RNF144B: variants seen among roughly 807,000 people sequenced by gnomAD.
The protein encoded by RNF144B is E3 ubiquitin-protein ligase RNF144B.
RNF144B carries 25 observed loss-of-function variants against 40.2 expected under a neutral mutation model. That is an observed-to-expected ratio of 0.62 (90% CI 0.45 to 0.87). RNF144B has a LOEUF of 0.87. RNF144B is among the 40% of genes least tolerant of loss of function. RNF144B has a pLI of 0.00. For missense variants in RNF144B, 365 were observed against 373.7 expected, an observed-to-expected ratio of 0.98 and a Z score of 0.19; for synonymous variants, 145 against 136.3, an observed-to-expected ratio of 1.06 and a Z score of -0.44.
chr6:18,415,903 C>T (rs1342527830), intron 2 of RNF144B, among the ~76,000 whole-genome samples: 1 of 151,374 alleles, frequency 6.6e-6, no homozygotes, highest in East Asian at 2.0e-4. Context: ...GAAGCGCTAA[C>T]AGTTCAAGCA....
At chr6:18,401,176 C>A (rs866560326) in intron 2 of RNF144B, among the ~76,000 whole-genome samples, 2 of 151,472 alleles carry the variant, frequency 1.3e-5, no homozygotes, top group African/African-American at 2.4e-5. Flanking sequence ...TTTAACAGTG[C>A]AGAATTTAAG....
rs2113488144 is a variant in RNF144B at position 18,419,880 on chromosome 6, T to C, written c.166-7701T>C. Among the ~76,000 whole-genome samples the C allele has an allele frequency of 6.6e-6, 1 of 152,248 alleles. No homozygotes were observed. Among genetic ancestry groups the C allele is most frequent in the African/African-American group, 2.4e-5 (1 of 41,546 alleles). On this transcript the variant is annotated intron_variant, in intron 2 of 7. Coordinates refer to ENST00000259939, the MANE Select transcript of RNF144B (RefSeq NM_182757.4). This position sits in a 1 kb window ranked among gnomAD's most constrained non-coding sequence, Gnocchi z 4.6. ...TTCTTTGATTAGGATATTTTGAACA[T>C]GTTCAAGTATAGACAGGACAAAATT... is the stretch of plus-strand genomic sequence containing the variant.
At chr6:18,429,365 C>A (rs548743928) in intron 3 of RNF144B, among the ~76,000 whole-genome samples, 1 of 152,084 alleles carries the variant, frequency 6.6e-6, no homozygotes, top group Non-Finnish European at 1.5e-5. Context: ...AATATATATT[C>A]TTTTACATAT....
intron 3 of RNF144B, among the ~76,000 whole-genome samples, 164 bp downstream of exon 3, chr6:18,427,849 A>G (rs1371471505): frequency 5.3e-5 from 8 of 152,194 alleles, no homozygotes; most frequent in African/African-American, 1.7e-4. Flanking sequence ...TTTTATACAA[A>G]CTGTTAAAGC....
At chr6:18,454,813 C>T (rs558942647) in intron 4 of RNF144B, among the ~76,000 whole-genome samples, 114 of 152,314 alleles carry the variant, frequency 7.5e-4, no homozygotes, top group African/African-American at 2.7e-3. Context: ...AGAAACAAGT[C>T]GGAACTTCTA....
At chr6:18,421,210 C>T (rs1191263642) in intron 2 of RNF144B, among the ~76,000 whole-genome samples, 2 of 150,726 alleles carry the variant, frequency 1.3e-5, no homozygotes, top group East Asian at 2.0e-4. Context: ...TGAGATCGTA[C>T]CACTTCACTC....
chr6:18,451,753 C>T (rs1373622714), intron 4 of RNF144B, among the ~76,000 whole-genome samples: 2 of 152,026 alleles, frequency 1.3e-5, no homozygotes, highest in African/African-American at 2.4e-5. Context: ...AATTGCTCAT[C>T]CAAAACTAAG....
chr6:18,387,760 A>G (rs1379450914), intron 1 of RNF144B, 130 bp downstream of exon 1: 1 of 584,178 alleles, frequency 1.7e-6, no homozygotes, highest in Admixed American at 3.6e-5. Flanking sequence ...TAGTGCTCAA[A>G]CCATACAGAA....
chr6:18,399,224 A>T (rs1206711929), intron 1 of RNF144B, among the ~76,000 whole-genome samples: 1 of 152,062 alleles, frequency 6.6e-6, no homozygotes, highest in Non-Finnish European at 1.5e-5. Flanking sequence ...CTTGACCAAC[A>T]TCTCCCCATT....
intron 1 of RNF144B, among the ~76,000 whole-genome samples, chr6:18,397,617 T>A (rs1245874187): frequency 1.3e-5 from 2 of 152,198 alleles, no homozygotes; most frequent in African/African-American, 4.8e-5. Context: ...TCTAAAGATG[T>A]CTTTTCCCAT....
intron 3 of RNF144B, among the ~76,000 whole-genome samples, chr6:18,436,448 T>C (rs1582430637): frequency 6.6e-6 from 1 of 152,326 alleles, no homozygotes; most frequent in East Asian, 1.9e-4. Flanking sequence ...TGTCATTATT[T>C]CAATACTATG....
chr6:18,457,140 TTC>T lies in RNF144B; in HGVS notation c.332-13_332-12del. The T allele has an allele frequency of 6.3e-7, 1 of 1,597,428 alleles. No individual in the cohort carries two copies. Among genetic ancestry groups the T allele is most frequent in the Non-Finnish European group, 8.6e-7 (1 of 1,165,868 alleles). On this transcript the variant is annotated splice_polypyrimidine_tract_variant and intron_variant, in intron 4 of 7. Coordinates refer to ENST00000259939, the MANE Select transcript of RNF144B (RefSeq NM_182757.4). The surrounding 1 kb of genome is among the most constrained non-coding windows in gnomAD (Gnocchi z 5.1). ...AATCGGGCAGACCATCACATTTTCTTTCTTTACACTTTAGAAGTTCATCTGGA... is the reference window on the plus strand; with the variant it reads ...AATCGGGCAGACCATCACATTTTCTTTTTACACTTTAGAAGTTCATCTGGA...
chr6:18,465,176 C>T lies in RNF144B; in HGVS notation c.*109C>T, dbSNP rs996819255. On this transcript the variant is annotated 3_prime_UTR_variant, in exon 8 of 8. Transcript: ENST00000259939. ...TTCTCCTTGCCAACTTTGAAAGTGC[C>T]TCCGTGTCCAGACTTTGAACTTGCC... The T allele has an allele frequency of 2.6e-6, 3 of 1,153,448 alleles. No homozygotes were observed. In the Admixed American group the frequency reaches 6.9e-5, roughly 27 times the overall value. The allele number at this position is 1,153,448 out of a possible 1,614,324, so 71.5% of individuals were successfully genotyped here.
intron 4 of RNF144B, among the ~76,000 whole-genome samples, chr6:18,451,760 T>G (rs537565257): frequency 6.6e-6 from 1 of 152,360 alleles, no homozygotes; most frequent in East Asian, 1.9e-4. Flanking sequence ...CATCCAAAAC[T>G]AAGCTGAGAT....
rs1794912342 is a variant in RNF144B, at chr6:18,406,501, T to TGTGG, written c.165+6802_165+6803insGTGG. Among the ~76,000 whole-genome samples the TGTGG allele has an allele frequency of 9.7e-6, 1 of 102,690 alleles. No individual in the cohort carries two copies. Among genetic ancestry groups the TGTGG allele is most frequent in the African/African-American group, 4.0e-5 (1 of 24,988 alleles). The allele number at this position is 102,690 out of a possible 152,430, so 67.4% of individuals were successfully genotyped here. On this transcript the variant is annotated intron_variant, in intron 2 of 7. Transcript: ENST00000259939. This position sits in a 1 kb window ranked among gnomAD's most constrained non-coding sequence, Gnocchi z 4.2. ...GTGTGTGTGTGTGTGTGTGTGTGTGTAGGGGGAGTAGTAGGAGATGAAGGC... is the reference window on the plus strand; with the variant it reads ...GTGTGTGTGTGTGTGTGTGTGTGTGTGTGGAGGGGGAGTAGTAGGAGATGAAGGC...
In RNF144B at chr6:18,398,804, C is replaced by A. The variant is rs374155201; in HGVS notation, c.-36-695C>A. Among the ~76,000 whole-genome samples the A allele has an allele frequency of 3.2e-4, 48 of 152,280 alleles. No individual in the cohort carries two copies. Among genetic ancestry groups the A allele is most frequent in the African/African-American group, 1.1e-3 (46 of 41,550 alleles). ...TCTCTTTGAGACCCTGCTTTCAGTT[C>A]TTTTGGGTATATACCCGATTGCTGG... On this transcript the variant is annotated intron_variant, in intron 1 of 7. Coordinates refer to ENST00000259939, the MANE Select transcript of RNF144B (RefSeq NM_182757.4). The surrounding 1 kb of genome is among the most constrained non-coding windows in gnomAD (Gnocchi z 5.0).
intron 3 of RNF144B, among the ~76,000 whole-genome samples, chr6:18,439,221 T>C (rs111436751): frequency 2.4e-4 from 37 of 152,314 alleles, no homozygotes; most frequent in African/African-American, 8.9e-4. Context: ...TAAAAGGTAC[T>C]CTTTCCTAGG....
At position 18,441,574 on chromosome 6, in the gene RNF144B, T is replaced by C. The variant is rs575732230; in HGVS notation, c.331+1830T>C. 6.7e-6 allele frequency among the ~76,000 whole-genome samples: 1 copy of C among 148,858 alleles called. No homozygotes were observed. The highest frequency in any genetic ancestry group is 2.1e-4 in the South Asian group (1 of 4,772). ...GGTAACATATCTGTTAGCTCAAATG[T>C]CTTTTTTGTAATTAGAATATTCTAA... On this transcript the variant is annotated intron_variant, in intron 4 of 7. Coordinates refer to ENST00000259939, the MANE Select transcript of RNF144B (RefSeq NM_182757.4). This position sits in a 1 kb window ranked among gnomAD's most constrained non-coding sequence, Gnocchi z 4.9.
intron 2 of RNF144B, among the ~76,000 whole-genome samples, chr6:18,404,608 A>T (rs892705006): frequency 6.6e-6 from 1 of 152,242 alleles, no homozygotes; most frequent in Non-Finnish European, 1.5e-5. Flanking sequence ...ATACTCAGAG[A>T]TTAGCAGTTA....
Sources: gnomAD v4.1 joint callset for allele counts (sites outside exome capture counted in the v4.1 genomes callset) on GRCh38, gnomAD v4.1.1 for gene constraint, Gnocchi (gnomAD v3.1) non-coding constraint, MANE v1.5 for transcripts, NCBI Gene and HGNC (gene_info 2026-07-23, HGNC 2026-07-21) for gene names.